KSR2: variants seen among roughly 807,000 people sequenced by gnomAD.
KSR2 encodes the protein kinase suppressor of ras 2.
A neutral mutation model predicts 107.8 loss-of-function variants in KSR2; 25 were observed. The ratio of observed to expected loss-of-function variants is 0.23; its 90% CI spans 0.17 to 0.32. KSR2 has a LOEUF of 0.32. KSR2 is among the 10% of genes least tolerant of loss of function. KSR2 has a pLI of 1.00. For missense variants in KSR2, 887 were observed against 1,268.9 expected (o/e 0.70, Z 4.57); for synonymous variants, 480 against 507.0 (o/e 0.95, Z 0.71).
At chr12:117,643,020 T>G (rs1360667388) in intron 5 of KSR2, among the ~76,000 whole-genome samples, 2 of 152,202 alleles carry the variant, frequency 1.3e-5, no homozygotes, top group Non-Finnish European at 2.9e-5. Context: ...TATTGCTAAA[T>G]AAGAAGAAAG....
At chr12:117,592,422 CCT>C (rs1880384721) in intron 5 of KSR2, among the ~76,000 whole-genome samples, 1 of 152,086 alleles carries the variant, frequency 6.6e-6, no homozygotes, top group Admixed American at 6.5e-5. Flanking sequence ...CCCACTTTCC[CCT>C]TTTTGAAAAG....
intron 1 of KSR2, among the ~76,000 whole-genome samples, chr12:117,961,966 A>G (rs140211664): frequency 7.5e-4 from 114 of 152,122 alleles, no homozygotes; most frequent in African/African-American, 2.7e-3. Context: ...GCAACAAAGC[A>G]AGATACTGTC....
intron 12 of KSR2, among the ~76,000 whole-genome samples, chr12:117,529,068 G>T (rs1353605422): frequency 6.6e-6 from 1 of 152,156 alleles, no homozygotes; most frequent in Non-Finnish European, 1.5e-5. Flanking sequence ...CTTTAACAAA[G>T]TCCATAAGAC....
At chr12:117,906,964 G>A (rs1445816944) in intron 1 of KSR2, among the ~76,000 whole-genome samples, 1 of 151,904 alleles carries the variant, frequency 6.6e-6, no homozygotes, top group Admixed American at 6.6e-5. Context: ...AGGCTGCAAT[G>A]AGCCATGATC....
rs1233786210 is a variant in KSR2 at position 117,539,891 on chromosome 12, C to T, written c.1519-4G>A. 2 of 1,599,438 alleles carry T rather than the reference C, an allele frequency of 1.3e-6. No homozygotes were observed. The highest frequency in any genetic ancestry group is 3.5e-5 in the Admixed American group (2 of 57,076). On this transcript the variant is annotated splice_region_variant and splice_polypyrimidine_tract_variant and intron_variant, in intron 9 of 19. Coordinates refer to ENST00000339824, the MANE Select transcript of KSR2 (RefSeq NM_173598.6). ...GGTAAGGGACAGGGATGTGGTCCTG[C>T]AGAGAGAAAACAGGGTAGGAGTCAG...
At chr12:117,596,667 A>C (rs1353974828) in intron 5 of KSR2, among the ~76,000 whole-genome samples, 1 of 152,202 alleles carries the variant, frequency 6.6e-6, no homozygotes, top group African/African-American at 2.4e-5. Context: ...AACCCAAAAC[A>C]TTGCTAGATC....
chr12:117,792,122 A>G (rs535758336), intron 3 of KSR2, among the ~76,000 whole-genome samples: 1 of 152,182 alleles, frequency 6.6e-6, no homozygotes, highest in East Asian at 1.9e-4. Flanking sequence ...AGATCGCTTG[A>G]GCTCAGGAGT....
chr12:117,552,323 C>A (rs1032845263), intron 9 of KSR2, among the ~76,000 whole-genome samples: 1 of 152,194 alleles, frequency 6.6e-6, no homozygotes, highest in Non-Finnish European at 1.5e-5. Flanking sequence ...CTGCCACGGG[C>A]TCTTTAAAAC....
intron 4 of KSR2, among the ~76,000 whole-genome samples, chr12:117,728,516 C>T (rs969661245): frequency 6.6e-6 from 1 of 152,186 alleles, no homozygotes; most frequent in African/African-American, 2.4e-5. Context: ...TGAGAGGCCC[C>T]TCTGGCTCCC....
rs776175284 is a variant in KSR2 at position 117,455,398 on chromosome 12, T to C, written c.*11801A>G. ...CTTGCCTCTGAGTCCACACATAGGC[T>C]GTTCCTTCTGTCTGACACACCGTTC... On this transcript the variant is annotated 3_prime_UTR_variant, in exon 20 of 20. Coordinates refer to ENST00000339824, the MANE Select transcript of KSR2 (RefSeq NM_173598.6). The C allele has an allele frequency of 1.3e-5, 2 of 152,226 alleles. No homozygotes were observed. Among genetic ancestry groups the C allele is most frequent in the Non-Finnish European group, 2.9e-5 (2 of 68,044 alleles). 9.4% of individuals were successfully genotyped at this position (152,226 alleles called of 1,614,324 possible).
intron 1 of KSR2, among the ~76,000 whole-genome samples, chr12:117,912,562 C>T (rs1468003773): frequency 6.6e-6 from 1 of 152,168 alleles, no homozygotes; most frequent in Admixed American, 6.5e-5. Flanking sequence ...AATTACATTT[C>T]CAAATAATCC....
intron 5 of KSR2, among the ~76,000 whole-genome samples, chr12:117,626,719 G>C (rs906105579): frequency 1.3e-5 from 2 of 152,132 alleles, no homozygotes; most frequent in African/African-American, 4.8e-5. Flanking sequence ...TGTCTATTTG[G>C]CCTGCTTGTT....
intron 1 of KSR2, among the ~76,000 whole-genome samples, chr12:117,961,088 C>A (rs538787603): frequency 6.6e-6 from 1 of 152,168 alleles, no homozygotes; most frequent in African/African-American, 2.4e-5. Flanking sequence ...TGTGACCCAC[C>A]ACATCCAGCC....
chr12:117,562,776 G>A (rs1180659420), intron 7 of KSR2, among the ~76,000 whole-genome samples: 3 of 152,016 alleles, frequency 2.0e-5, no homozygotes, highest in Non-Finnish European at 4.4e-5. Flanking sequence ...TGTCCCAGGA[G>A]TGGGAGACCG....
Position 117,536,589 on chromosome 12 carries a change from A to G in KSR2, c.1687+3130T>C, listed in dbSNP as rs561757004. ...TATGCACACTGGTACACAGACATATATATATGTAAATATTTTACAATAAAT... is the reference window on the plus strand; with the variant it reads ...TATGCACACTGGTACACAGACATATGTATATGTAAATATTTTACAATAAAT... On this transcript the variant is annotated intron_variant, in intron 10 of 19. Transcript: ENST00000339824. Among the ~76,000 whole-genome samples the G allele has an allele frequency of 1.7e-3, 266 of 152,338 alleles. 1 individual carries two copies. Among genetic ancestry groups the G allele is most frequent in the African/African-American group, 6.3e-3 (262 of 41,562 alleles).
chr12:117,591,732 A>G (rs921746686), intron 5 of KSR2, among the ~76,000 whole-genome samples: 2 of 151,408 alleles, frequency 1.3e-5, no homozygotes, highest in Non-Finnish European at 2.9e-5. Context: ...AAAATGATGC[A>G]GTGGCTCACG....
intron 3 of KSR2, among the ~76,000 whole-genome samples, chr12:117,824,012 A>G (rs1346977393): frequency 6.6e-6 from 1 of 152,216 alleles, no homozygotes; most frequent in African/African-American, 2.4e-5. Context: ...GTACCCATCA[A>G]TGGATGAATA....
chr12:117,572,184 G>A (rs1028859432), intron 7 of KSR2, among the ~76,000 whole-genome samples: 2 of 152,150 alleles, frequency 1.3e-5, no homozygotes, highest in Admixed American at 6.5e-5. Context: ...GCACCCTGAC[G>A]CTGCTTCGCC....
chr12:117,889,195 C>G (rs2137350064), intron 1 of KSR2, among the ~76,000 whole-genome samples: 1 of 152,268 alleles, frequency 6.6e-6, no homozygotes, highest in East Asian at 1.9e-4. Context: ...CCTCTCCCAA[C>G]TCAGGCCACA....
Sources: allele counts gnomAD v4.1 joint callset (sites outside exome capture counted in the v4.1 genomes callset), GRCh38; gene constraint gnomAD v4.1.1; transcripts MANE v1.5; gene names NCBI Gene and HGNC (gene_info 2026-07-23, HGNC 2026-07-21).